ZNF827: variants seen among roughly 807,000 people sequenced by gnomAD.
ZNF827 encodes zinc finger protein 827.
ZNF827 carries 13 observed loss-of-function variants against 102.4 expected under a neutral mutation model. The observed-to-expected ratio is 0.13, with a 90% CI of 0.08 to 0.20. The LOEUF (loss-of-function observed/expected upper bound fraction) is 0.20. Among genes scored for constraint, ZNF827 ranks in the 10% least tolerant of loss-of-function variants. The probability of loss-of-function intolerance (pLI) is 1.00; values close to 1 mark genes in which losing one functional copy is unlikely to be tolerated. For synonymous variants in ZNF827, 523 were observed against 536.2 expected, an observed-to-expected ratio of 0.98 and a Z score of 0.34; for missense variants, 1,103 against 1,344.4, an observed-to-expected ratio of 0.82 and a Z score of 2.81.
In ZNF827 at chr4:145,878,950, C is replaced by T. The variant is rs186890833; in HGVS notation, c.1747+6728G>A. ...ACTTCTAGGCATGAGGAGCAGGCTG[C>T]ACATGAAGGGATGGAGTGTAGATGA... On this transcript the variant is annotated intron_variant, in intron 4 of 14. Coordinates refer to ENST00000508784, the MANE Select transcript of ZNF827 (RefSeq NM_001306215.2). Among the ~76,000 whole-genome samples the T allele has an allele frequency of 1.2e-4, 18 of 152,036 alleles. No individual in the cohort carries two copies. The East Asian group carries it at 3.1e-3, about 26-fold the overall frequency.
chr4:145,885,604 CAGAGACAG>C, intron 4 of ZNF827, 66 bp downstream of exon 4: 19 of 1,425,632 alleles, frequency 1.3e-5, no homozygotes, highest in Non-Finnish European at 1.2e-5. Flanking sequence ...TACTGGTAGA[CAGAGACAG>C]AGAGAGAGAG....
At chr4:145,843,345 G>C (rs1296167590) in intron 7 of ZNF827, among the ~76,000 whole-genome samples, 1 of 152,042 alleles carries the variant, frequency 6.6e-6, no homozygotes, top group Non-Finnish European at 1.5e-5. Context: ...CTTTGCTTTG[G>C]GCAAAAGATC....
intron 3 of ZNF827, among the ~76,000 whole-genome samples, chr4:145,891,226 G>A (rs187454489): frequency 2.0e-5 from 3 of 152,254 alleles, no homozygotes; most frequent in African/African-American, 7.2e-5. Flanking sequence ...CAGATATTTG[G>A]TTAATATTCT....
intron 8 of ZNF827, among the ~76,000 whole-genome samples, chr4:145,823,026 C>A (rs1469837971): frequency 6.6e-6 from 1 of 152,166 alleles, no homozygotes; most frequent in Non-Finnish European, 1.5e-5. Context: ...TGGCCCACAC[C>A]CCCTGGGGTC....
intron 8 of ZNF827, among the ~76,000 whole-genome samples, chr4:145,818,789 G>A (rs1307550204): frequency 6.6e-6 from 1 of 152,194 alleles, no homozygotes; most frequent in Non-Finnish European, 1.5e-5. Context: ...GACCAGGGGT[G>A]TGTCAGGCTG....
intron 8 of ZNF827, among the ~76,000 whole-genome samples, chr4:145,785,433 AT>A (rs1738708681): frequency 6.6e-6 from 1 of 152,170 alleles, no homozygotes; most frequent in South Asian, 2.1e-4. Flanking sequence ...TTGACAATAC[AT>A]TATTATCAAG....
At chr4:145,860,408 T>C (rs952649633) in intron 5 of ZNF827, among the ~76,000 whole-genome samples, 4 of 152,154 alleles carry the variant, frequency 2.6e-5, no homozygotes, top group South Asian at 4.1e-4. Context: ...AGTGTGTACA[T>C]ATGTTTAGGG....
At chr4:145,882,992 C>A (rs1749801500) in intron 4 of ZNF827, among the ~76,000 whole-genome samples, 1 of 151,902 alleles carries the variant, frequency 6.6e-6, no homozygotes, top group Admixed American at 6.6e-5. Flanking sequence ...ACAGACACAG[C>A]CAGGTAGGGC....
intron 1 of ZNF827, among the ~76,000 whole-genome samples, chr4:145,917,736 AAAC>A (rs1752769823): frequency 6.6e-6 from 1 of 151,436 alleles, no homozygotes; most frequent in African/African-American, 2.4e-5. Context: ...AGAAAAGAAA[AAAC>A]AACATTCATA....
At chr4:145,864,252 G>A (rs1476926492) in intron 5 of ZNF827, among the ~76,000 whole-genome samples, 1 of 151,256 alleles carries the variant, frequency 6.6e-6, no homozygotes, top group Non-Finnish European at 1.5e-5. Flanking sequence ...GTCTAGAAAT[G>A]CCCTCTAAAA....
chr4:145,765,175 C>G lies in ZNF827; in HGVS notation c.3053-10G>C. 3.1e-6 allele frequency: 5 copies of G among 1,595,146 alleles called. No homozygotes were observed. The highest frequency in any genetic ancestry group is 3.4e-6 in the Non-Finnish European group (4 of 1,170,318). The stretch of plus-strand genomic sequence containing the variant: ...AAAACACATTCGAACCCTGCAAGGA[C>G]CGAAGCTGGGTATAGAGGTGCACAG... On this transcript the variant is annotated splice_polypyrimidine_tract_variant and intron_variant, in intron 12 of 14. Transcript: ENST00000508784. This position sits in a 1 kb window ranked among gnomAD's most constrained non-coding sequence, Gnocchi z 4.7.
intron 8 of ZNF827, among the ~76,000 whole-genome samples, 175 bp from the exon 9 acceptor site, chr4:145,779,686 T>C (rs1737671107): frequency 6.6e-6 from 1 of 152,236 alleles, no homozygotes; most frequent in Non-Finnish European, 1.5e-5. Context: ...AGGCCGTTCT[T>C]GAAAGCTGCG....
In ZNF827 at chr4:145,765,476, G is replaced by C. The variant is rs1735148406; in HGVS notation, c.3052+71C>G. The C allele has an allele frequency of 6.6e-7, 1 of 1,520,922 alleles. No homozygotes were observed. The highest frequency in any genetic ancestry group is 1.4e-5 in the African/African-American group (1 of 72,190). The allele number at this position is 1,520,922 out of a possible 1,614,324, so 94.2% of individuals were successfully genotyped here. On this transcript the variant is annotated intron_variant, in intron 12 of 14. Coordinates refer to ENST00000508784, the MANE Select transcript of ZNF827 (RefSeq NM_001306215.2). This position sits in a 1 kb window ranked among gnomAD's most constrained non-coding sequence, Gnocchi z 4.7. ...CAGTTTTTGACATCGCTCCTGTGCA[G>C]GGCTTATTCTCAAGAATGGGTCATC... is the stretch of plus-strand genomic sequence containing the variant.
intron 7 of ZNF827, among the ~76,000 whole-genome samples, chr4:145,843,196 T>C (rs1445769294): frequency 6.9e-6 from 1 of 145,426 alleles, no homozygotes; most frequent in Non-Finnish European, 1.5e-5. Context: ...ATGGATAGGC[T>C]AATCAAGTAA....
intron 1 of ZNF827, among the ~76,000 whole-genome samples, chr4:145,914,726 C>T (rs1289720189): frequency 6.6e-6 from 1 of 152,224 alleles, no homozygotes; most frequent in East Asian, 1.9e-4. Flanking sequence ...CCCTTAACAA[C>T]TCAAGTCCAG....
intron 4 of ZNF827, chr4:145,876,489 A>T (rs1239735328): frequency 6.6e-6 from 1 of 152,232 alleles, no homozygotes; most frequent in East Asian, 1.9e-4. Context: ...AGACAAATAG[A>T]CATATGTAGA....
chr4:145,839,474 T>TA (rs1450213444), intron 7 of ZNF827: 5 of 152,248 alleles, frequency 3.3e-5, no homozygotes, highest in Non-Finnish European at 5.9e-5. Context: ...CGGATGAACT[T>TA]AGTCTTCTCT....
chr4:145,936,686 G>A (rs1042999579), intron 1 of ZNF827, among the ~76,000 whole-genome samples: 15 of 152,214 alleles, frequency 9.9e-5, no homozygotes, highest in Admixed American at 2.6e-4. Flanking sequence ...GCGAGGGGGA[G>A]ATCGATCGCC....
chr4:145,820,449 A>G (rs1387470936), intron 8 of ZNF827, among the ~76,000 whole-genome samples: 1 of 152,194 alleles, frequency 6.6e-6, no homozygotes, highest in African/African-American at 2.4e-5. Flanking sequence ...AAAAGGTAGA[A>G]AGTTTTTTAA....
Sources: gnomAD v4.1 joint callset for allele counts (sites outside exome capture counted in the v4.1 genomes callset) on GRCh38, gnomAD v4.1.1 for gene constraint, Gnocchi (gnomAD v3.1) non-coding constraint, MANE v1.5 for transcripts, NCBI Gene and HGNC (gene_info 2026-07-23, HGNC 2026-07-21) for gene names.